The following LEPR variants were observed in gnomAD, a reference collection of about 807,000 sequenced individuals.
LEPR encodes leptin receptor.
In LEPR, 56 loss-of-function variants were observed where a neutral mutation model predicts 114.7. The observed-to-expected ratio is 0.49, with a 90% CI of 0.39 to 0.61. The LOEUF (loss-of-function observed/expected upper bound fraction) is 0.61. LEPR is among the 20% of genes least tolerant of loss of function. LEPR has a pLI of 0.00. For synonymous variants in LEPR, 443 were observed against 461.4 expected (o/e 0.96, Z 0.51); for missense variants, 1,202 against 1,352.9 (o/e 0.89, Z 1.75).
At position 65,637,006 on chromosome 1, in the gene LEPR, AACTGT is replaced by A. The variant is rs752911846; in HGVS notation, c.3490_3494del (p.Thr1164ValfsTer15). 3.7e-6 allele frequency: 6 copies of A among 1,613,282 alleles called. No individual in the cohort carries two copies. The African/African-American group carries it at 6.7e-5, about 18-fold the overall frequency. On this transcript the variant is annotated frameshift_variant, in exon 20 of 20. Coordinates refer to ENST00000349533, the MANE Select transcript of LEPR (RefSeq NM_002303.6). LOFTEE classifies it high-confidence loss of function. ...TCATGGAAAACAAGATGTGTGACCT[AACTGT>A]GTAATTTCACTGAAGAAACCTTCAG...
In LEPR at chr1:65,425,350, A is replaced by G. The variant is rs761251221; in HGVS notation, c.-49A>G. ...TGGGGCTATTGGACTGACTTTTCTT[A>G]TGCTGGGATGTGCCTTAGAGGATTA... On this transcript the variant is annotated 5_prime_UTR_variant, in exon 2 of 20. The change abolishes an upstream ATG in the 5' untranslated region. Transcript: ENST00000349533. 4 of 1,606,320 alleles carry G rather than the reference A, an allele frequency of 2.5e-6. No homozygotes were observed. The highest frequency in any genetic ancestry group is 2.2e-5 in the South Asian group (2 of 89,252).
At chr1:65,469,809 G>T (rs925971503) in intron 2 of LEPR, among the ~76,000 whole-genome samples, 3 of 152,176 alleles carry the variant, frequency 2.0e-5, no homozygotes, top group African/African-American at 7.2e-5. Flanking sequence ...ACCAATAAGT[G>T]CGTGCCGTAT....
In LEPR at chr1:65,633,173, C is replaced by G; in HGVS notation, c.2674-3018C>G. 3 of 1,605,204 alleles carry G rather than the reference C, an allele frequency of 1.9e-6. No individual in the cohort carries two copies. The South Asian group carries it at 3.3e-5, about 18-fold the overall frequency. On this transcript the variant is annotated intron_variant, in intron 19 of 19. Coordinates refer to ENST00000349533, the MANE Select transcript of LEPR (RefSeq NM_002303.6). The surrounding 1 kb of genome is among the most constrained non-coding windows in gnomAD (Gnocchi z 4.1). ...ACAGAGAACGGACATTCTTTGAAGT[C>G]TAATCATGATCACTACAGATGAACC...
intron 2 of LEPR, among the ~76,000 whole-genome samples, chr1:65,474,401 A>C (rs567995488): frequency 6.6e-6 from 1 of 152,358 alleles, no homozygotes; most frequent in African/African-American, 2.4e-5. Flanking sequence ...TGATATGGTG[A>C]AAATGAATTT....
At chr1:65,608,473 C>T (rs532456254) in intron 11 of LEPR, among the ~76,000 whole-genome samples, 7 of 152,050 alleles carry the variant, frequency 4.6e-5, no homozygotes, top group African/African-American at 1.7e-4. Context: ...GCTTGCAGAG[C>T]CAATGGTTCA....
rs188138548 is a variant in LEPR, at chr1:65,609,887, G to A, written c.1753-60G>A. ...AGGTTTAAAATAAAATGTACTTCAG[G>A]GCCCTTTAGATACATATGTGTTGGT... On this transcript the variant is annotated intron_variant, in intron 12 of 19. Transcript: ENST00000349533. 14 of 1,608,840 alleles carry A rather than the reference G, an allele frequency of 8.7e-6. No homozygotes were observed. In the East Asian group the frequency reaches 2.9e-4, roughly 33 times the overall value.
rs556568930 is a variant in LEPR at position 65,434,763 on chromosome 1, C to T, written c.-21+9385C>T. On this transcript the variant is annotated intron_variant, in intron 2 of 19. Coordinates refer to ENST00000349533, the MANE Select transcript of LEPR (RefSeq NM_002303.6). ...CTCCTGGGAGTTTTGTTCACCTCTC[C>T]CAACTGAGAACCTTCCCACTGGGCT... 33 of 985,460 alleles carry T rather than the reference C, an allele frequency of 3.3e-5. No individual in the cohort carries two copies. In the South Asian group the frequency reaches 1.5e-3, roughly 45 times the overall value. 61.0% of individuals were successfully genotyped at this position (985,460 alleles called of 1,614,324 possible).
intron 2 of LEPR, chr1:65,435,153 G>A: frequency 5.1e-6 from 5 of 985,332 alleles, no homozygotes; most frequent in Non-Finnish European, 4.8e-6. Flanking sequence ...TCCTCAGGAG[G>A]AGTTCTGAGC....
At position 65,515,386 on chromosome 1, in the gene LEPR, T is replaced by C. The variant is rs200800914; in HGVS notation, c.-20-50160T>C. On this transcript the variant is annotated intron_variant, in intron 2 of 19. Transcript: ENST00000349533. ...AATGGTCAAGGCTGTACCTTAAGAA[T>C]ATCTCATGGAAACTTAAATTCCTAG... is the stretch of plus-strand genomic sequence containing the variant. Among the ~76,000 whole-genome samples, 3 of 152,338 alleles carry C rather than the reference T, an allele frequency of 2.0e-5. No homozygotes were observed. In the East Asian group the frequency reaches 5.8e-4, roughly 29 times the overall value.
chr1:65,572,594 A>G (rs1654278338), intron 5 of LEPR, 145 bp downstream of exon 5: 4 of 907,556 alleles, frequency 4.4e-6, no homozygotes, highest in African/African-American at 3.4e-5. Flanking sequence ...CTGCTCTGTT[A>G]GGTTTCCTCT....
In LEPR at chr1:65,592,613, T is replaced by C. The variant is rs947321977; in HGVS notation, c.495-44T>C. On this transcript the variant is annotated intron_variant, in intron 5 of 19. Coordinates refer to ENST00000349533, the MANE Select transcript of LEPR (RefSeq NM_002303.6). Reference sequence around the variant, plus strand: ...TCCTGCTTTAAAAGCCTATCCAGTATTTTCATATCTGTTTTAATATTTAGC... The same window carrying C: ...TCCTGCTTTAAAAGCCTATCCAGTACTTTCATATCTGTTTTAATATTTAGC... The C allele has an allele frequency of 1.8e-5, 29 of 1,602,506 alleles. No individual in the cohort carries two copies. In the East Asian group the frequency reaches 6.5e-4, roughly 36 times the overall value.
intron 2 of LEPR, chr1:65,433,177 C>G: frequency 1.0e-6 from 1 of 985,470 alleles, no homozygotes; most frequent in Non-Finnish European, 1.2e-6. Context: ...CCCCCCACCC[C>G]TACTCCTCAA....
intron 14 of LEPR, among the ~76,000 whole-genome samples, chr1:65,615,608 A>T (rs1416583085): frequency 1.3e-5 from 2 of 152,104 alleles, no homozygotes; most frequent in African/African-American, 4.8e-5. Flanking sequence ...TCATTTTCTG[A>T]GGGTTATTCC....
intron 2 of LEPR, chr1:65,433,497 A>G: frequency 1.0e-6 from 1 of 985,470 alleles, no homozygotes; most frequent in Non-Finnish European, 1.2e-6. Flanking sequence ...AAGCATTGTT[A>G]AAGTATGAAA....
chr1:65,571,674 T>C, intron 4 of LEPR, among the ~76,000 whole-genome samples: 1 of 144,954 alleles, frequency 6.9e-6, no homozygotes. Flanking sequence ...AAAAAAAGGC[T>C]GGGCACAGTG....
intron 2 of LEPR, among the ~76,000 whole-genome samples, chr1:65,553,025 A>T (rs1183739480): frequency 6.6e-6 from 1 of 152,158 alleles, no homozygotes; most frequent in African/African-American, 2.4e-5. Flanking sequence ...CTTTTCTTTA[A>T]GAATGTTGAA....
At chr1:65,504,826 A>C (rs895627868) in intron 2 of LEPR, among the ~76,000 whole-genome samples, 19 of 152,264 alleles carry the variant, frequency 1.2e-4, no homozygotes, top group African/African-American at 4.6e-4. Flanking sequence ...GGATAGAAAT[A>C]ATAGGGGAGA....
intron 15 of LEPR, among the ~76,000 whole-genome samples, chr1:65,617,315 G>T (rs1387601995): frequency 6.6e-6 from 1 of 152,204 alleles, no homozygotes; most frequent in Admixed American, 6.5e-5. Flanking sequence ...ATTCAGAGAA[G>T]CCACCTTGAG....
intron 2 of LEPR, among the ~76,000 whole-genome samples, chr1:65,448,891 TTTG>T (rs1360155514): frequency 6.6e-5 from 10 of 152,282 alleles, no homozygotes; most frequent in South Asian, 2.1e-4. Flanking sequence ...CCTTTCTTGC[TTTG>T]TTGTTGTTGT....
Sources: gnomAD v4.1 joint callset for allele counts (sites outside exome capture counted in the v4.1 genomes callset) on GRCh38, gnomAD v4.1.1 for gene constraint, Gnocchi (gnomAD v3.1) non-coding constraint, MANE v1.5 for transcripts, NCBI Gene and HGNC (gene_info 2026-07-23, HGNC 2026-07-21) for gene names.